CTIF: variants seen among roughly 807,000 people sequenced by gnomAD.
CTIF encodes the protein cap binding complex dependent translation initiation factor.
CTIF carries 21 observed loss-of-function variants against 66.0 expected under a neutral mutation model. The ratio of observed to expected loss-of-function variants is 0.32; its 90% CI spans 0.23 to 0.46. The LOEUF is 0.46. CTIF is among the 20% of genes least tolerant of loss of function. The pLI is 1.00. For missense variants in CTIF, 739 were observed against 812.7 expected, an observed-to-expected ratio of 0.91 and a Z score of 1.10; for synonymous variants, 345 against 326.4, an observed-to-expected ratio of 1.06 and a Z score of -0.62.
At chr18:48,568,653 A>G (rs1301762771) in intron 1 of CTIF, among the ~76,000 whole-genome samples, 2 of 145,814 alleles carry the variant, frequency 1.4e-5, no homozygotes, top group Non-Finnish European at 3.0e-5. Context: ...AAAAAAAAAA[A>G]AAAAAAAAAA....
chr18:48,721,513 C>G (rs1239303075), intron 7 of CTIF, among the ~76,000 whole-genome samples: 1 of 152,220 alleles, frequency 6.6e-6, no homozygotes, highest in Non-Finnish European at 1.5e-5. Context: ...CCCAGCCCTC[C>G]CCGGGGACAG....
At chr18:48,766,690 C>T (rs1909577896) in intron 9 of CTIF, among the ~76,000 whole-genome samples, 1 of 152,184 alleles carries the variant, frequency 6.6e-6, no homozygotes, top group Admixed American at 6.5e-5. Context: ...GCGAACCAGT[C>T]AAGAAATACC....
chr18:48,795,888 C>T (rs916913153), intron 9 of CTIF, among the ~76,000 whole-genome samples: 11 of 152,320 alleles, frequency 7.2e-5, no homozygotes, highest in African/African-American at 2.4e-4. Context: ...AGCCGAGCCA[C>T]CTGGCACCCA....
intron 6 of CTIF, among the ~76,000 whole-genome samples, chr18:48,698,227 CT>C (rs1310681250): frequency 6.8e-6 from 1 of 146,056 alleles, no homozygotes; most frequent in East Asian, 2.1e-4. Context: ...CAAAATGCTG[CT>C]TTCCTGGCCT....
intron 7 of CTIF, among the ~76,000 whole-genome samples, chr18:48,723,510 A>T (rs2092360096): frequency 6.6e-6 from 1 of 152,200 alleles, no homozygotes; most frequent in South Asian, 2.1e-4. Flanking sequence ...GAAACTGACC[A>T]GGGATTTCCC....
chr18:48,772,150 G>A (rs768601031), intron 9 of CTIF, among the ~76,000 whole-genome samples: 14 of 152,294 alleles, frequency 9.2e-5, no homozygotes, highest in East Asian at 7.7e-4. Flanking sequence ...TGTGCATGGC[G>A]CCAAGGTGTT....
At chr18:48,813,462 C>A (rs2068302117) in intron 9 of CTIF, among the ~76,000 whole-genome samples, 1 of 152,058 alleles carries the variant, frequency 6.6e-6, no homozygotes, top group South Asian at 2.1e-4. Context: ...TATTGCTCTG[C>A]GCCTCCCTCA....
In CTIF at chr18:48,670,755, G is replaced by A. The variant is rs2091519980; in HGVS notation, c.507+11G>A. On this transcript the variant is annotated intron_variant, in intron 6 of 11. Transcript: ENST00000256413. ...CTTCCAGCCTGGCAGGTAGGTGCAG[G>A]GGCAGGCTCTCTAACAGCCCACCCC... is the stretch of plus-strand genomic sequence containing the variant. The A allele has an allele frequency of 1.2e-6, 2 of 1,612,720 alleles. No individual in the cohort carries two copies. The highest frequency in any genetic ancestry group is 1.7e-6 in the Non-Finnish European group (2 of 1,178,958).
At chr18:48,603,791 C>T (rs376402209) in intron 1 of CTIF, among the ~76,000 whole-genome samples, 2 of 151,964 alleles carry the variant, frequency 1.3e-5, no homozygotes, top group East Asian at 3.9e-4. Context: ...CAACAGATAC[C>T]CTTCCAGGAA....
chr18:48,665,925 G>T lies in CTIF; in HGVS notation c.431+1374G>T, dbSNP rs111879558. Among the ~76,000 whole-genome samples the T allele has an allele frequency of 1.5e-3, 230 of 152,206 alleles. 2 individuals are homozygous for T. Among genetic ancestry groups the T allele is most frequent in the African/African-American group, 5.5e-3 (228 of 41,530 alleles). On this transcript the variant is annotated intron_variant, in intron 5 of 11. Transcript: ENST00000256413. ...CCTTTTGGCTATTGTCAAAAATACT[G>T]CTGTATCTTTTTGAGTCCTTGCTTG...
intron 6 of CTIF, among the ~76,000 whole-genome samples, chr18:48,677,492 A>G (rs968572121): frequency 5.3e-5 from 8 of 152,230 alleles, no homozygotes; most frequent in Admixed American, 3.3e-4. Context: ...ACTAGCGAAC[A>G]TTCACAGAGT....
chr18:48,698,675 G>A (rs912064539), intron 6 of CTIF, among the ~76,000 whole-genome samples: 2 of 152,132 alleles, frequency 1.3e-5, no homozygotes, highest in Non-Finnish European at 2.9e-5. Context: ...AATCTTTCCC[G>A]ATCTTTTCAA....
intron 2 of CTIF, among the ~76,000 whole-genome samples, chr18:48,636,216 T>G (rs2090819348): frequency 6.6e-6 from 1 of 152,226 alleles, no homozygotes; most frequent in Non-Finnish European, 1.5e-5. Flanking sequence ...CATACCTGCC[T>G]CACTGCCATC....
intron 9 of CTIF, among the ~76,000 whole-genome samples, chr18:48,767,037 C>G (rs965740408): frequency 1.5e-5 from 2 of 130,374 alleles, no homozygotes; most frequent in Non-Finnish European, 3.4e-5. Flanking sequence ...GGCCACACTT[C>G]GCAGTTCAGC....
chr18:48,567,468 G>A (rs576340749), intron 1 of CTIF: 5 of 152,326 alleles, frequency 3.3e-5, no homozygotes, highest in Admixed American at 6.5e-5. Flanking sequence ...TATTTTCTTT[G>A]TGCCTGGGTA....
chr18:48,728,541 G>C (rs115079495), intron 7 of CTIF, among the ~76,000 whole-genome samples: 1 of 152,216 alleles, frequency 6.6e-6, no homozygotes, highest in African/African-American at 2.4e-5. Context: ...TGGTCAGGCT[G>C]TTGGCCAGGA....
At chr18:48,702,878 C>T (rs536438342) in intron 6 of CTIF, among the ~76,000 whole-genome samples, 11 of 151,328 alleles carry the variant, frequency 7.3e-5, no homozygotes, top group Non-Finnish European at 4.4e-5. Flanking sequence ...ATCCTGCCCA[C>T]GTGGAGAGAG....
chr18:48,755,028 A>G (rs1215919219), intron 7 of CTIF, among the ~76,000 whole-genome samples: 1 of 152,188 alleles, frequency 6.6e-6, no homozygotes, highest in Non-Finnish European at 1.5e-5. Flanking sequence ...AAATCCCTGT[A>G]TGGCAAGTGG....
chr18:48,798,184 AACGTC>A (rs2067971283), intron 9 of CTIF, among the ~76,000 whole-genome samples: 1 of 152,182 alleles, frequency 6.6e-6, no homozygotes, highest in South Asian at 2.1e-4. Flanking sequence ...GGTATTTGTT[AACGTC>A]ATCTGGTAAA....
Sources: gnomAD v4.1 joint callset for allele counts (sites outside exome capture counted in the v4.1 genomes callset) on GRCh38, gnomAD v4.1.1 for gene constraint, MANE v1.5 for transcripts, NCBI Gene and HGNC (gene_info 2026-07-23, HGNC 2026-07-21) for gene names.